The following ARGLU1 variants were observed in gnomAD, a reference collection of about 807,000 sequenced individuals.
The protein encoded by ARGLU1 is arginine and glutamate-rich protein 1.
ARGLU1 carries 9 observed loss-of-function variants against 37.6 expected under a neutral mutation model. The observed-to-expected ratio is 0.24, with a 90% CI of 0.14 to 0.42. The LOEUF (loss-of-function observed/expected upper bound fraction) is 0.42. Ranked by LOEUF, ARGLU1 falls within the 10% of genes least tolerant of loss-of-function variation. The pLI is 1.00. For missense variants in ARGLU1, 211 were observed against 359.2 expected (o/e 0.59, Z 3.34); for synonymous variants, 166 against 138.5 (o/e 1.20, Z -1.39).
intron 3 of ARGLU1, among the ~76,000 whole-genome samples, chr13:106,548,324 C>T (rs2138964702): frequency 6.6e-6 from 1 of 152,256 alleles, no homozygotes; most frequent in African/African-American, 2.4e-5. Flanking sequence ...TTTCCTAAAT[C>T]CTACCCTCTC....
intron 1 of ARGLU1, among the ~76,000 whole-genome samples, chr13:106,565,982 C>G (rs1469272957): frequency 1.3e-5 from 2 of 152,186 alleles, no homozygotes; most frequent in Non-Finnish European, 1.5e-5. Flanking sequence ...CAAGTTATTA[C>G]TCTTTGGAGG....
At chr13:106,548,513 T>C (rs577869300) in intron 3 of ARGLU1, among the ~76,000 whole-genome samples, 3 of 152,248 alleles carry the variant, frequency 2.0e-5, no homozygotes, top group African/African-American at 7.2e-5. Flanking sequence ...AAGGATTACG[T>C]AGTGGACAGC....
chr13:106,555,139 C>A (rs901225188), intron 3 of ARGLU1, among the ~76,000 whole-genome samples: 1 of 151,946 alleles, frequency 6.6e-6, no homozygotes, highest in South Asian at 2.1e-4. Flanking sequence ...GGGTGGATCA[C>A]CTGAGGTCAG....
At chr13:106,551,077 CAT>C (rs1223601313) in intron 3 of ARGLU1, among the ~76,000 whole-genome samples, 3 of 152,194 alleles carry the variant, frequency 2.0e-5, no homozygotes, top group African/African-American at 7.2e-5. Context: ...GAGTTACATG[CAT>C]AGTTTCTTCC....
In ARGLU1 at chr13:106,568,073, G is replaced by C. The variant is rs1162423059; in HGVS notation, c.-154C>G. On this transcript the variant is annotated 5_prime_UTR_variant, in exon 1 of 4. Coordinates refer to ENST00000400198, the MANE Select transcript of ARGLU1 (RefSeq NM_018011.4). ...TTTATGCCTTTTCCCGGCGTCTACA[G>C]CTGCCACGAAGGCCGCCTCCAACGA... 1 of 1,242,734 alleles carries C rather than the reference G, an allele frequency of 8.0e-7. No individual in the cohort carries two copies. The highest frequency in any genetic ancestry group is 1.6e-5 in the African/African-American group (1 of 63,006). 77.0% of individuals were successfully genotyped at this position (1,242,734 alleles called of 1,614,324 possible). A position where few individuals can be genotyped will look rare whatever the true frequency, so the allele number is the denominator to read the frequency against.
intron 1 of ARGLU1, among the ~76,000 whole-genome samples, chr13:106,560,540 T>C (rs187405980): frequency 1.3e-5 from 2 of 152,332 alleles, no homozygotes; most frequent in Admixed American, 1.3e-4. Flanking sequence ...AGAATATAAA[T>C]GATCTCCTAT....
intron 2 of ARGLU1, chr13:106,559,192 C>T (rs1594193167): frequency 6.8e-7 from 1 of 1,472,068 alleles, no homozygotes; most frequent in Non-Finnish European, 9.0e-7. Context: ...CTCAAATAGC[C>T]AGTTCCATTA....
chr13:106,559,421 C>T lies in ARGLU1; in HGVS notation c.573+11G>A. The T allele has an allele frequency of 6.2e-7, 1 of 1,613,858 alleles. No individual in the cohort carries two copies. The highest frequency in any genetic ancestry group is 8.5e-7 in the Non-Finnish European group (1 of 1,180,006). On this transcript the variant is annotated intron_variant, in intron 2 of 3. Coordinates refer to ENST00000400198, the MANE Select transcript of ARGLU1 (RefSeq NM_018011.4). Reference sequence around the variant, plus strand: ...TGGACTGTCTCTACTTTCCAAACGACCGAGCGTTACCTCTCTAGCTTTTTG... The same window carrying T: ...TGGACTGTCTCTACTTTCCAAACGATCGAGCGTTACCTCTCTAGCTTTTTG...
At chr13:106,546,175 T>C (rs1425192310) in intron 3 of ARGLU1, among the ~76,000 whole-genome samples, 2 of 152,186 alleles carry the variant, frequency 1.3e-5, no homozygotes, top group African/African-American at 4.8e-5. Flanking sequence ...CTTTTGTACA[T>C]CTAAAATGGT....
chr13:106,546,705 A>G (rs1156402105), intron 3 of ARGLU1, among the ~76,000 whole-genome samples: 1 of 152,162 alleles, frequency 6.6e-6, no homozygotes, highest in African/African-American at 2.4e-5. Flanking sequence ...AAATACTCAG[A>G]TTCACTTTCT....
Position 106,567,964 on chromosome 13 carries a change from G to A in ARGLU1, c.-45C>T, listed in dbSNP as rs752174832. Reference sequence around the variant, plus strand: ...ACCGCTCGCCTCAGGCCCCTCACGCGGCCAGTTCCCCTCGCCTCCGCCTTC... The same window carrying A: ...ACCGCTCGCCTCAGGCCCCTCACGCAGCCAGTTCCCCTCGCCTCCGCCTTC... On this transcript the variant is annotated 5_prime_UTR_variant, in exon 1 of 4. Transcript: ENST00000400198. The surrounding 1 kb of genome is among the most constrained non-coding windows in gnomAD (Gnocchi z 4.3). 1.9e-6 allele frequency: 3 copies of A among 1,546,930 alleles called. No homozygotes were observed. Among genetic ancestry groups the A allele is most frequent in the African/African-American group, 2.8e-5 (2 of 70,744 alleles).
intron 1 of ARGLU1, among the ~76,000 whole-genome samples, chr13:106,560,692 T>C (rs113352557): frequency 2.5e-4 from 38 of 152,324 alleles, no homozygotes; most frequent in African/African-American, 8.2e-4. Context: ...ACTGAGACAA[T>C]AATTTGTGCT....
chr13:106,559,059 A>T lies in ARGLU1; in HGVS notation c.573+373T>A, dbSNP rs188597390. ...CACAGTCTAGGTAACAGAGTGACAG[A>T]ATAGAAGAATATACAACCACAGGTG... is the stretch of plus-strand genomic sequence containing the variant. On this transcript the variant is annotated intron_variant, in intron 2 of 3. Transcript: ENST00000400198. 1.5e-3 allele frequency: 1,808 copies of T among 1,208,952 alleles called. 4 individuals are homozygous for T. The highest frequency in any genetic ancestry group is 1.7e-3 in the Non-Finnish European group (1,669 of 957,172). 74.9% of individuals were successfully genotyped at this position (1,208,952 alleles called of 1,614,324 possible). A position where few individuals can be genotyped will look rare whatever the true frequency, so the allele number is the denominator to read the frequency against.
At chr13:106,549,901 C>T (rs948467387) in intron 3 of ARGLU1, among the ~76,000 whole-genome samples, 5 of 152,214 alleles carry the variant, frequency 3.3e-5, no homozygotes, top group Admixed American at 1.3e-4. Flanking sequence ...GGAGAGACTG[C>T]TGTATAATTT....
chr13:106,549,591 T>A (rs1190707230), intron 3 of ARGLU1, among the ~76,000 whole-genome samples: 2 of 152,216 alleles, frequency 1.3e-5, no homozygotes, highest in African/African-American at 4.8e-5. Context: ...TGTGACAACA[T>A]ATTTATTCTC....
intron 1 of ARGLU1, among the ~76,000 whole-genome samples, chr13:106,560,806 T>C (rs1300597347): frequency 6.6e-6 from 1 of 152,226 alleles, no homozygotes; most frequent in Non-Finnish European, 1.5e-5. Flanking sequence ...CTTTATCTTT[T>C]GATCACTCAT....
At chr13:106,555,488 A>G (rs1031316056) in intron 3 of ARGLU1, among the ~76,000 whole-genome samples, 1 of 152,184 alleles carries the variant, frequency 6.6e-6, no homozygotes, top group Non-Finnish European at 1.5e-5. Context: ...ATCCCCAACA[A>G]GGACAAATCA....
At chr13:106,556,212 G>A (rs567666658) in intron 3 of ARGLU1, among the ~76,000 whole-genome samples, 19 of 152,126 alleles carry the variant, frequency 1.2e-4, no homozygotes, top group African/African-American at 4.1e-4. Flanking sequence ...TCGGGAAAGC[G>A]GATTATGGCT....
Position 106,557,278 on chromosome 13 carries a change from C to A in ARGLU1, c.574-147G>T. 1 of 754,756 alleles carries A rather than the reference C, an allele frequency of 1.3e-6. No individual in the cohort carries two copies. Among genetic ancestry groups the A allele is most frequent in the Non-Finnish European group, 2.1e-6 (1 of 481,222 alleles). The allele number at this position is 754,756 out of a possible 1,614,324, so 46.8% of individuals were successfully genotyped here. A position where few individuals can be genotyped will look rare whatever the true frequency, so the allele number is the denominator to read the frequency against. ...TCTGTCTGACAAATGATAAACTGTG[C>A]AGTCACTAAAATTGGTTTCTAGCAC... On this transcript the variant is annotated intron_variant, in intron 2 of 3. Coordinates refer to ENST00000400198, the MANE Select transcript of ARGLU1 (RefSeq NM_018011.4). This position sits in a 1 kb window ranked among gnomAD's most constrained non-coding sequence, Gnocchi z 5.0.
Sources: gnomAD v4.1 joint callset for allele counts (sites outside exome capture counted in the v4.1 genomes callset) on GRCh38, gnomAD v4.1.1 for gene constraint, Gnocchi (gnomAD v3.1) non-coding constraint, MANE v1.5 for transcripts, NCBI Gene and HGNC (gene_info 2026-07-23, HGNC 2026-07-21) for gene names.